The following DOCK3 variants were observed in gnomAD, a reference collection of about 807,000 sequenced individuals.
The protein encoded by DOCK3 is dedicator of cytokinesis protein 3.
Under a neutral mutation model 265.6 loss-of-function variants are expected in DOCK3, and 60 were observed. That is an observed-to-expected ratio of 0.23 (90% CI 0.18 to 0.28). The LOEUF is 0.28. Ranked by LOEUF, DOCK3 falls within the 10% of genes least tolerant of loss-of-function variation. The pLI is 1.00. For synonymous variants in DOCK3, 881 were observed against 938.0 expected (o/e 0.94, Z 1.11); for missense variants, 1,981 against 2,594.3 (o/e 0.76, Z 5.14).
At chr3:50,747,319 A>G (rs980032401) in intron 1 of DOCK3, among the ~76,000 whole-genome samples, 1 of 152,154 alleles carries the variant, frequency 6.6e-6, no homozygotes, top group African/African-American at 2.4e-5. Context: ...TTCCATATGA[A>G]TTTTAAAATC....
intron 21 of DOCK3, 107 bp from the exon 22 acceptor site, chr3:51,246,619 C>T: frequency 1.0e-6 from 1 of 1,003,696 alleles, no homozygotes. Flanking sequence ...CTTTCTAGCT[C>T]ATCAGCAGAA....
chr3:51,320,009 A>G (rs1229960100), intron 32 of DOCK3, among the ~76,000 whole-genome samples: 1 of 152,074 alleles, frequency 6.6e-6, no homozygotes, highest in Non-Finnish European at 1.5e-5. Context: ...TAACTTAGAA[A>G]ATGAAATTGT....
intron 9 of DOCK3, among the ~76,000 whole-genome samples, chr3:51,097,682 C>T (rs1309172352): frequency 6.6e-6 from 1 of 152,246 alleles, no homozygotes; most frequent in Non-Finnish European, 1.5e-5. Flanking sequence ...CTGCAGCTAG[C>T]TTGGTGTCTG....
intron 1 of DOCK3, among the ~76,000 whole-genome samples, chr3:50,713,025 G>T (rs534353383): frequency 1.2e-3 from 188 of 152,306 alleles, no homozygotes; most frequent in Non-Finnish European, 2.2e-3. Context: ...TGATCCCTTT[G>T]ATGTCCTGGA....
chr3:51,214,290 A>G (rs367937005), intron 14 of DOCK3, 43 bp downstream of exon 14: 108 of 1,607,722 alleles, frequency 6.7e-5, no homozygotes, highest in Non-Finnish European at 8.8e-5. Flanking sequence ...ATGGGTTAGG[A>G]TGGAATCTGG....
At chr3:51,092,440 G>C (rs903158058) in intron 9 of DOCK3, among the ~76,000 whole-genome samples, 2 of 152,216 alleles carry the variant, frequency 1.3e-5, no homozygotes, top group Admixed American at 6.5e-5. Flanking sequence ...GCTCAGTAAG[G>C]CTGCTGTGGC....
intron 10 of DOCK3, among the ~76,000 whole-genome samples, chr3:51,153,131 C>G (rs1041458506): frequency 2.0e-5 from 3 of 152,246 alleles, no homozygotes; most frequent in African/African-American, 7.2e-5. Context: ...GGCAGCAGGC[C>G]TTGCAGAGCT....
chr3:50,799,846 T>C (rs2042981651), intron 2 of DOCK3, among the ~76,000 whole-genome samples: 1 of 152,210 alleles, frequency 6.6e-6, no homozygotes, highest in African/African-American at 2.4e-5. Context: ...TTGTTATATA[T>C]GGCCTTTGTA....
chr3:51,015,873 CATATATTTCTATATATG>C lies in DOCK3; in HGVS notation c.316-48568_316-48552del, dbSNP rs2079159710. On this transcript the variant is annotated intron_variant, in intron 5 of 52. Coordinates refer to ENST00000266037, the MANE Select transcript of DOCK3 (RefSeq NM_004947.5). ...TATATCATATATATGATATATATAT[CATATATTTCTATATATG>C]ATATATATCATATATATGATATATA... 1.7e-4 allele frequency among the ~76,000 whole-genome samples: 5 copies of C among 30,134 alleles called. 2 individuals are homozygous for C. The highest frequency in any genetic ancestry group is 8.6e-4 in the African/African-American group (5 of 5,834). The allele number at this position is 30,134 out of a possible 152,430, so 19.8% of individuals were successfully genotyped here. A position where few individuals can be genotyped will look rare whatever the true frequency, so the allele number is the denominator to read the frequency against.
At chr3:51,027,383 C>T (rs76080798) in intron 5 of DOCK3, among the ~76,000 whole-genome samples, 167 of 151,784 alleles carry the variant, frequency 1.1e-3, no homozygotes, top group Middle Eastern at 6.8e-3. Context: ...TGTGGTCAAT[C>T]TTAGAGTATG....
Position 51,374,577 on chromosome 3 carries a change from A to G in DOCK3, c.5402A>G (p.Glu1801Gly). ...SSAMYPAAIL[E>G]NGQPPNFQRA... ...GCCATGTATCCAGCAGCCATCCTGG[A>G]GAACGGACAGGTAATAGACCCACCA... The change falls in exon 50 of 53, where the codon GAG (glutamate) becomes GGG (glycine). Residue 1801 changes from glutamate to glycine, a missense_variant. Coordinates refer to ENST00000266037, the MANE Select transcript of DOCK3 (RefSeq NM_004947.5). This position sits in a 1 kb window ranked among gnomAD's most constrained non-coding sequence, Gnocchi z 4.8. 4 of 1,612,052 alleles carry G rather than the reference A, an allele frequency of 2.5e-6. No homozygotes were observed. Among genetic ancestry groups the G allele is most frequent in the Non-Finnish European group, 3.4e-6 (4 of 1,179,098 alleles).
chr3:50,868,146 T>C (rs544317419), intron 3 of DOCK3, among the ~76,000 whole-genome samples: 3 of 151,906 alleles, frequency 2.0e-5, no homozygotes, highest in Non-Finnish European at 4.4e-5. Flanking sequence ...CAATCTTGGC[T>C]CACTACAACC....
intron 9 of DOCK3, among the ~76,000 whole-genome samples, chr3:51,097,893 G>A (rs1012886814): frequency 2.6e-5 from 4 of 152,168 alleles, no homozygotes; most frequent in African/African-American, 7.2e-5. Flanking sequence ...GTGCTTCCCT[G>A]GTGAGCCAAT....
At chr3:51,266,421 T>C (rs1278694798) in intron 23 of DOCK3, among the ~76,000 whole-genome samples, 3 of 152,148 alleles carry the variant, frequency 2.0e-5, no homozygotes, top group African/African-American at 7.2e-5. Context: ...CTACCTGACT[T>C]CAAACTATAC....
At chr3:51,040,304 A>T (rs537587797) in intron 5 of DOCK3, among the ~76,000 whole-genome samples, 1 of 152,106 alleles carries the variant, frequency 6.6e-6, no homozygotes, top group Non-Finnish European at 1.5e-5. Flanking sequence ...AGGTACTGTA[A>T]ATGTGGTTCC....
At chr3:51,085,547 TAAAC>T (rs1369357683) in intron 7 of DOCK3, among the ~76,000 whole-genome samples, 1 of 152,106 alleles carries the variant, frequency 6.6e-6, no homozygotes, top group Non-Finnish European at 1.5e-5. Flanking sequence ...ACATGGAAAT[TAAAC>T]AGCATGCTCC....
At chr3:51,380,275 C>A in intron 52 of DOCK3, 68 bp downstream of exon 52, 1 of 1,447,428 alleles carries the variant, frequency 6.9e-7, no homozygotes, top group Non-Finnish European at 9.5e-7. Flanking sequence ...TAGAACCACC[C>A]TTGGGGTCTA....
chr3:51,181,062 A>G (rs1215382992), intron 12 of DOCK3, among the ~76,000 whole-genome samples: 1 of 152,232 alleles, frequency 6.6e-6, no homozygotes, highest in Non-Finnish European at 1.5e-5. Context: ...ATGTATATAC[A>G]CGTACAGGCT....
chr3:50,803,120 A>G (rs1328136744), intron 2 of DOCK3, among the ~76,000 whole-genome samples: 6 of 150,592 alleles, frequency 4.0e-5, no homozygotes, highest in Admixed American at 4.0e-4. Context: ...TGTTTCTCGG[A>G]GACGGGGATT....
Sources: gnomAD v4.1 joint callset for allele counts (sites outside exome capture counted in the v4.1 genomes callset) on GRCh38, gnomAD v4.1.1 for gene constraint, Gnocchi (gnomAD v3.1) non-coding constraint, MANE v1.5 for transcripts, NCBI Gene and HGNC (gene_info 2026-07-23, HGNC 2026-07-21) for gene names.